Variants in CCDC171 observed in about 807,000 individuals in gnomAD.
The protein encoded by CCDC171 is coiled-coil domain-containing protein 171.
Under a neutral mutation model 168.2 loss-of-function variants are expected in CCDC171, and 177 were observed. The observed-to-expected ratio is 1.05, with a 90% CI of 0.93 to 1.19. The LOEUF is 1.19. CCDC171 is among the 50% of genes most tolerant of loss of function. CCDC171 has a pLI of 0.00. For missense variants in CCDC171, 1,991 were observed against 1,539.0 expected, an observed-to-expected ratio of 1.29 and a Z score of -4.91; for synonymous variants, 687 against 540.8, an observed-to-expected ratio of 1.27 and a Z score of -3.75.
intron 6 of CCDC171, among the ~76,000 whole-genome samples, chr9:15,619,447 C>G (rs1029636480): frequency 6.6e-6 from 1 of 152,140 alleles, no homozygotes; most frequent in Non-Finnish European, 1.5e-5. Flanking sequence ...CTGGATAGAT[C>G]AAACCAGCCA....
chr9:15,984,384 A>G (rs1184782317), intron 3 of CCDC171, among the ~76,000 whole-genome samples: 1 of 146,974 alleles, frequency 6.8e-6, no homozygotes, highest in African/African-American at 2.6e-5. Context: ...TCTTTCTGGA[A>G]AGCATTTGAC....
chr9:15,956,778 A>C (rs1042375731), intron 25 of CCDC171, among the ~76,000 whole-genome samples: 2 of 152,182 alleles, frequency 1.3e-5, no homozygotes, highest in Non-Finnish European at 2.9e-5. Context: ...GTTTGTCCAT[A>C]AGTGCATGTT....
At chr9:15,894,921 T>G (rs1820705942) in intron 24 of CCDC171, among the ~76,000 whole-genome samples, 1 of 152,160 alleles carries the variant, frequency 6.6e-6, no homozygotes, top group South Asian at 2.1e-4. Context: ...TTTACCACAG[T>G]ATCTTCAGCA....
chr9:15,834,177 A>G (rs182274085), intron 21 of CCDC171, among the ~76,000 whole-genome samples: 12 of 152,242 alleles, frequency 7.9e-5, no homozygotes, highest in African/African-American at 2.6e-4. Flanking sequence ...AGACTCAGCA[A>G]TGGTTTTGTT....
intron 23 of CCDC171, among the ~76,000 whole-genome samples, chr9:15,860,700 T>C (rs1360275450): frequency 6.6e-6 from 1 of 152,010 alleles, no homozygotes; most frequent in African/African-American, 2.4e-5. Flanking sequence ...ATGACGTGTG[T>C]ACACTTGAGA....
intron 16 of CCDC171, among the ~76,000 whole-genome samples, chr9:15,734,309 G>A (rs2134409371): frequency 6.6e-6 from 1 of 152,338 alleles, no homozygotes; most frequent in South Asian, 2.1e-4. Context: ...GCCGAGGCAA[G>A]TGGATCACCT....
intron 23 of CCDC171, among the ~76,000 whole-genome samples, chr9:15,851,522 A>G (rs1407492092): frequency 6.6e-6 from 1 of 151,868 alleles, no homozygotes; most frequent in Non-Finnish European, 1.5e-5. Flanking sequence ...ATTTTTTAAA[A>G]CACACCCTTC....
At chr9:15,771,488 A>T (rs1341522252) in intron 18 of CCDC171, among the ~76,000 whole-genome samples, 1 of 152,168 alleles carries the variant, frequency 6.6e-6, no homozygotes, top group Non-Finnish European at 1.5e-5. Context: ...TCTACAAATG[A>T]TCATACTATG....
chr9:16,103,812 C>A, the CCDC171 span, among the ~76,000 whole-genome samples: 1 of 152,124 alleles, frequency 6.6e-6, no homozygotes, highest in Non-Finnish European at 1.5e-5. Context: ...CAGTGATTTA[C>A]GGGCTTTGAC....
In CCDC171 at chr9:15,968,537, CTTTTTTTTTT is replaced by C. The variant is rs35265243; in HGVS notation, c.3754-3060_3754-3051del. 1.2e-3 allele frequency among the ~76,000 whole-genome samples: 106 copies of C among 88,818 alleles called. 1 individual carries two copies. The highest frequency in any genetic ancestry group is 2.0e-3 in the Non-Finnish European group (89 of 44,838). 58.3% of individuals were successfully genotyped at this position (88,818 alleles called of 152,430 possible). A position where few individuals can be genotyped will look rare whatever the true frequency, so the allele number is the denominator to read the frequency against. On this transcript the variant is annotated intron_variant, in intron 25 of 25. Coordinates refer to ENST00000380701, the MANE Select transcript of CCDC171 (RefSeq NM_173550.4). ...AAAGTTTCACCAGAATTGTTGCTGG[CTTTTTTTTTT>C]TTTTTTTTTTTGAGACAGAGTCTTG... is the stretch of plus-strand genomic sequence containing the variant.
chr9:15,792,385 T>A (rs1483514389), intron 21 of CCDC171, among the ~76,000 whole-genome samples: 1 of 152,168 alleles, frequency 6.6e-6, no homozygotes, highest in East Asian at 1.9e-4. Context: ...TGGAACCAAG[T>A]TGGAAAACAC....
chr9:15,610,217 C>G (rs1484345987), intron 6 of CCDC171, among the ~76,000 whole-genome samples: 1 of 150,952 alleles, frequency 6.6e-6, no homozygotes, highest in Non-Finnish European at 1.5e-5. Context: ...GTCTTGTCTT[C>G]TTTTCTTTTC....
chr9:15,566,810 T>A (rs1440757804), intron 2 of CCDC171, among the ~76,000 whole-genome samples: 2 of 152,198 alleles, frequency 1.3e-5, no homozygotes, highest in Non-Finnish European at 2.9e-5. Context: ...TAATTTTAGC[T>A]CTTATATTTA....
intron 7 of CCDC171, among the ~76,000 whole-genome samples, chr9:15,637,237 C>A (rs927684903): frequency 6.6e-6 from 1 of 152,082 alleles, no homozygotes; most frequent in African/African-American, 2.4e-5. Context: ...GCCTGGGCAA[C>A]AGAGCAAGAC....
At position 15,594,125 on chromosome 9, in the gene CCDC171, G is replaced by A. The variant is rs2042174945; in HGVS notation, c.628G>A (p.Glu210Lys). Reference sequence around the variant, plus strand: ...AGCATTGGAGGAGTTTAGATTACAAGAAGAACAATGGGAAGCAGAAAGAAG... The same window carrying A: ...AGCATTGGAGGAGTTTAGATTACAAAAAGAACAATGGGAAGCAGAAAGAAG... Reference protein sequence around the residue: ...ETALEEFRLQEEQWEAERREL... With the variant: ...ETALEEFRLQKEQWEAERREL... Residue 210 changes from glutamate to lysine, a missense_variant, in exon 6 of 26, where the codon GAA becomes AAA. Physicochemically the swap from Glu to Lys is moderately conservative, Grantham distance 56. Coordinates refer to ENST00000380701, the MANE Select transcript of CCDC171 (RefSeq NM_173550.4). 1 of 1,499,730 alleles carries A rather than the reference G, an allele frequency of 6.7e-7. No homozygotes were observed. Among genetic ancestry groups the A allele is most frequent in the African/African-American group, 1.4e-5 (1 of 72,410 alleles). The allele number at this position is 1,499,730 out of a possible 1,614,324, so 92.9% of individuals were successfully genotyped here. A position where few individuals can be genotyped will look rare whatever the true frequency, so the allele number is the denominator to read the frequency against.
At chr9:16,095,882 A>G in the CCDC171 span, among the ~76,000 whole-genome samples, 1 of 141,192 alleles carries the variant, frequency 7.1e-6, no homozygotes, top group African/African-American at 2.8e-5. Flanking sequence ...ATATATATAT[A>G]TATATATATA....
At chr9:15,592,355 AAAAAC>A (rs1259877618) in intron 5 of CCDC171, among the ~76,000 whole-genome samples, 49 of 152,228 alleles carry the variant, frequency 3.2e-4, no homozygotes, top group Non-Finnish European at 6.0e-4. Context: ...AAAAAAGCAA[AAAAAC>A]AAAACAAAGA....
chr9:15,572,502 C>T (rs1377518086), intron 3 of CCDC171, among the ~76,000 whole-genome samples: 2 of 152,162 alleles, frequency 1.3e-5, no homozygotes, highest in African/African-American at 4.8e-5. Context: ...ACTGCTGGTC[C>T]CAAAGGGTTG....
chr9:15,561,795 G>T (rs2039323214), intron 1 of CCDC171, among the ~76,000 whole-genome samples: 1 of 151,552 alleles, frequency 6.6e-6, no homozygotes, highest in African/African-American at 2.4e-5. Context: ...GTGTCATCAG[G>T]GGCTGATATC....
Sources: allele counts gnomAD v4.1 joint callset (sites outside exome capture counted in the v4.1 genomes callset), GRCh38; gene constraint gnomAD v4.1.1; transcripts MANE v1.5; gene names NCBI Gene and HGNC (gene_info 2026-07-23, HGNC 2026-07-21).